AR: variants seen among roughly 807,000 people sequenced by gnomAD.
AR encodes the protein dihydrotestosterone receptor.
AR carries 8 observed loss-of-function variants against 53.9 expected under a neutral mutation model. The ratio of observed to expected loss-of-function variants is 0.15; its 90% CI spans 0.09 to 0.27. The LOEUF (loss-of-function observed/expected upper bound fraction) is 0.27, where lower values mean the gene tolerates loss of function less well. Among genes scored for constraint, AR ranks in the 10% least tolerant of loss-of-function variants. The pLI, the probability that AR is intolerant of heterozygous loss-of-function variation, is 1.00. For missense variants in AR, 639 were observed against 742.5 expected, an observed-to-expected ratio of 0.86 and a Z score of 1.62; for synonymous variants, 359 against 316.4, an observed-to-expected ratio of 1.13 and a Z score of -1.43.
Position 67,728,315 on chromosome X carries a change from T to C in AR, c.*4474T>C. ...CTCTAGTAGTTGCTGAGCAAATTGT[T>C]GAAGCTCCATCATTGCATGGTTGGA... On this transcript the variant is annotated 3_prime_UTR_variant, in exon 8 of 8. Coordinates refer to ENST00000374690, the MANE Select transcript of AR (RefSeq NM_000044.6). The C allele has an allele frequency of 6.1e-6, 1 of 164,575 alleles. No individual in the cohort carries two copies. Among genetic ancestry groups the C allele is most frequent in the Non-Finnish European group, 1.2e-5 (1 of 85,369 alleles). 13.6% of individuals were successfully genotyped at this position (164,575 alleles called of 1,213,427 possible).
chrX:67,546,849 C>G (rs1929786015), intron 1 of AR, 87 bp downstream of exon 1: 3 of 1,029,090 alleles, frequency 2.9e-6, no homozygotes, highest in Admixed American at 2.6e-5. Flanking sequence ...CCTACCTGCG[C>G]GAACACTCAG....
Position 67,728,289 on chromosome X carries a change from T to C in AR, c.*4448T>C, listed in dbSNP as rs1602283195. On this transcript the variant is annotated 3_prime_UTR_variant, in exon 8 of 8. Coordinates refer to ENST00000374690, the MANE Select transcript of AR (RefSeq NM_000044.6). The stretch of plus-strand genomic sequence containing the variant: ...TTATAAGCAGAACTGGCTTTCCTTT[T>C]CTCTAGTAGTTGCTGAGCAAATTGT... 2 of 162,972 alleles carry C rather than the reference T, an allele frequency of 1.2e-5. No homozygotes were observed. 13.4% of individuals were successfully genotyped at this position (162,972 alleles called of 1,213,427 possible).
intron 2 of AR, among the ~76,000 whole-genome samples, chrX:67,668,593 A>G (rs916279071): frequency 9.1e-6 from 1 of 110,319 alleles, no homozygotes; most frequent in African/African-American, 3.3e-5. Flanking sequence ...GTTTGGAATG[A>G]TTCTCTCCTC....
At chrX:67,652,230 TG>T (rs1428560924) in intron 2 of AR, among the ~76,000 whole-genome samples, 4 of 111,914 alleles carry the variant, frequency 3.6e-5, no homozygotes, top group African/African-American at 1.3e-4. Context: ...CTTCCTCTCC[TG>T]GGTCAGATCA....
chrX:67,614,755 T>C (rs770187826), intron 1 of AR, among the ~76,000 whole-genome samples: 2 of 111,496 alleles, frequency 1.8e-5, no homozygotes, highest in South Asian at 7.4e-4. Context: ...AACAAAGATG[T>C]TGAAATTCAC....
intron 1 of AR, among the ~76,000 whole-genome samples, chrX:67,603,359 G>C (rs1332178361): frequency 9.0e-6 from 1 of 111,591 alleles, no homozygotes; most frequent in Non-Finnish European, 1.9e-5. Context: ...TAAAATATGG[G>C]TCACACTAAC....
chrX:67,692,346 A>G (rs1402203780), intron 3 of AR, among the ~76,000 whole-genome samples: 2 of 112,631 alleles, frequency 1.8e-5, no homozygotes, highest in African/African-American at 6.5e-5. Flanking sequence ...CCTACCCACA[A>G]TTCTTTGATA....
chrX:67,607,320 G>A (rs1354229962), intron 1 of AR, among the ~76,000 whole-genome samples: 2 of 111,670 alleles, frequency 1.8e-5, no homozygotes, highest in African/African-American at 3.3e-5. Context: ...GAGCCACCGC[G>A]CCCGGCCCAC....
intron 3 of AR, chrX:67,695,959 A>G (rs930966905): frequency 1.3e-6 from 1 of 751,318 alleles, no homozygotes; most frequent in African/African-American, 2.3e-5. Context: ...ACCAACAAGA[A>G]GTTCCCTAAT....
At chrX:67,626,802 C>T (rs1397761966) in intron 1 of AR, among the ~76,000 whole-genome samples, 10 of 82,012 alleles carry the variant, frequency 1.2e-4, no homozygotes, top group African/African-American at 4.6e-4. Context: ...CACAACATTC[C>T]CCAGAGTGTG....
intron 4 of AR, among the ~76,000 whole-genome samples, chrX:67,711,975 A>G (rs1395930509): frequency 8.9e-6 from 1 of 112,423 alleles, no homozygotes; most frequent in Non-Finnish European, 1.9e-5. Context: ...CAAATTTTCC[A>G]TTAATCACAA....
intron 1 of AR, among the ~76,000 whole-genome samples, chrX:67,603,657 A>C (rs1923484756): frequency 8.9e-6 from 1 of 112,033 alleles, no homozygotes; most frequent in African/African-American, 3.2e-5. Context: ...GGTTAGTCAT[A>C]CAAGGCCTTG....
At chrX:67,562,345 A>G (rs750052317) in intron 1 of AR, among the ~76,000 whole-genome samples, 1 of 103,984 alleles carries the variant, frequency 9.6e-6, no homozygotes, top group South Asian at 4.3e-4. Context: ...TGTTTGGTCT[A>G]TATGGTGTAT....
chrX:67,576,338 G>T (rs1481578341), intron 1 of AR, among the ~76,000 whole-genome samples: 1 of 110,265 alleles, frequency 9.1e-6, no homozygotes, highest in African/African-American at 3.3e-5. Flanking sequence ...TTGACAACTA[G>T]AATTCGTTCG....
At chrX:67,691,219 C>T (rs2075993837) in intron 3 of AR, among the ~76,000 whole-genome samples, 1 of 111,760 alleles carries the variant, frequency 8.9e-6, no homozygotes, top group Admixed American at 9.5e-5. Context: ...TGGGTTGTTA[C>T]CTGCAAGTAC....
chrX:67,639,490 T>A lies in AR; in HGVS notation c.1617-3766T>A, dbSNP rs1183626938. 2.7e-5 allele frequency among the ~76,000 whole-genome samples: 3 copies of A among 111,841 alleles called. No homozygotes were observed. In the East Asian group the frequency reaches 8.4e-4, roughly 31 times the overall value. On this transcript the variant is annotated intron_variant, in intron 1 of 7. Transcript: ENST00000374690. ...CCATTTATTTTTGTCTTCTCTTATT[T>A]CCTTGAGCAGTGGTTTGTAATTCTC...
chrX:67,649,979 A>G (rs1441150781), intron 2 of AR, among the ~76,000 whole-genome samples: 1 of 111,962 alleles, frequency 8.9e-6, no homozygotes, highest in African/African-American at 3.2e-5. Flanking sequence ...AGAGAATAAA[A>G]TACCTAGGAA....
chrX:67,624,036 G>T (rs1313775327), intron 1 of AR, among the ~76,000 whole-genome samples: 1 of 110,734 alleles, frequency 9.0e-6, no homozygotes, highest in East Asian at 2.9e-4. Context: ...TCTTCACACG[G>T]CAGCAGGAGA....
intron 1 of AR, among the ~76,000 whole-genome samples, chrX:67,592,051 T>A (rs759789207): frequency 8.0e-5 from 9 of 112,574 alleles, no homozygotes; most frequent in Non-Finnish European, 1.9e-5. Context: ...GAAACTAAGA[T>A]AATGTGTTCA....
Sources: allele counts gnomAD v4.1 joint callset (sites outside exome capture counted in the v4.1 genomes callset), GRCh38; gene constraint gnomAD v4.1.1; transcripts MANE v1.5; gene names NCBI Gene and HGNC (gene_info 2026-07-23, HGNC 2026-07-21).